The following HSD3B2 variants were observed in gnomAD, a reference collection of about 807,000 sequenced individuals.
The protein encoded by HSD3B2 is 3 beta-hydroxysteroid dehydrogenase/Delta 5-->4-isomerase type 2.
HSD3B2 carries 8 observed loss-of-function variants against 9.9 expected under a neutral mutation model. That is an observed-to-expected ratio of 0.81 (90% CI 0.47 to 1.46). The LOEUF (loss-of-function observed/expected upper bound fraction) is 1.46. Ranked by LOEUF, HSD3B2 falls within the 40% of genes most tolerant of loss-of-function variation. The probability of loss-of-function intolerance (pLI) is 0.00; values close to 1 mark genes in which losing one functional copy is unlikely to be tolerated. For synonymous variants in HSD3B2, 221 were observed against 184.5 expected (o/e 1.20, Z -1.60); for missense variants, 410 against 448.3 (o/e 0.91, Z 0.77).
At chr1:119,419,892 A>G (rs1297599565) in intron 3 of HSD3B2, 18 of 370,640 alleles carry the variant, frequency 4.9e-5, no homozygotes, top group East Asian at 6.2e-5. Context: ...TGTGGCCCCA[A>G]TCAAAAGTCA....
rs587688647 is a variant in HSD3B2 at position 119,415,186 on chromosome 1, T to C, written c.-106T>C. ...GACTTGGACTCCTCTGTCCAGCTTT[T>C]AACAATCTAAGTTACGGTTAGAGCT... On this transcript the variant is annotated 5_prime_UTR_variant, in exon 1 of 4. Transcript: ENST00000369416. The C allele has an allele frequency of 5.8e-4, 293 of 502,210 alleles. 1 individual carries two copies. Among genetic ancestry groups the C allele is most frequent in the South Asian group, 4.0e-3 (196 of 49,344 alleles). The allele number at this position is 502,210 out of a possible 1,614,324, so 31.1% of individuals were successfully genotyped here.
In HSD3B2 at chr1:119,422,435, C is replaced by A. The variant is rs1328608749; in HGVS notation, c.934C>A (p.Pro312Thr). 1.2e-6 allele frequency: 2 copies of A among 1,614,034 alleles called. No homozygotes were observed. Among genetic ancestry groups the A allele is most frequent in the African/African-American group, 1.3e-5 (1 of 74,934 alleles). The change falls in exon 4 of 4, where the codon CCC (proline) becomes ACC (threonine). Residue 312 changes from proline (P) to threonine (T), a missense_variant. Transcript: ENST00000369416. ...ACTCAGCCCAATTTACTCCTATCAA[C>A]CCCCCTTCAACCGCCACACAGTCAC... is the stretch of plus-strand genomic sequence containing the variant. The part of the protein sequence containing the change: ...FLLSPIYSYQ[P>T]PFNRHTVTLS...
intron 3 of HSD3B2, among the ~76,000 whole-genome samples, chr1:119,421,393 A>G (rs587636237): frequency 1.7e-4 from 20 of 119,638 alleles, no homozygotes; most frequent in Middle Eastern, 4.0e-3. Context: ...ATATATATGT[A>G]TATATATATG....
At chr1:119,421,438 TA>T (rs1269053857) in intron 3 of HSD3B2, among the ~76,000 whole-genome samples, 36 of 27,960 alleles carry the variant, frequency 1.3e-3, no homozygotes, top group African/African-American at 6.2e-3. Context: ...TATATATATA[TA>T]TGTATATATA....
In HSD3B2 at chr1:119,419,496, A is replaced by G; in HGVS notation, c.221A>G (p.Asp74Gly). The change falls in exon 3 of 4, where the codon GAC becomes GGC. Residue 74 changes from aspartate (D) to glycine (G), a missense_variant. Asp to Gly is a moderately conservative substitution (Grantham distance 94). Transcript: ENST00000369416. ...CCATTCCTGAAAAGAGCCTGCCAGG[A>G]CGTCTCGGTCGTCATCCACACCGCC... ...DEPFLKRACQDVSVVIHTACI... is the reference protein window; with the variant it reads ...DEPFLKRACQGVSVVIHTACI... 3 of 1,613,754 alleles carry G rather than the reference A, an allele frequency of 1.9e-6. No individual in the cohort carries two copies. In the South Asian group the frequency reaches 3.3e-5, roughly 18 times the overall value.
chr1:119,421,459 A>T (rs1557869544), intron 3 of HSD3B2, among the ~76,000 whole-genome samples: 10 of 9,176 alleles, frequency 1.1e-3, no homozygotes, highest in African/African-American at 4.5e-3. Context: ...ATATGTATAT[A>T]TATATGTATA....
chr1:119,419,634 A>G, intron 3 of HSD3B2, 52 bp downstream of exon 3: 1 of 1,552,120 alleles, frequency 6.4e-7, no homozygotes, highest in Non-Finnish European at 8.9e-7. Context: ...GAGGATCAGA[A>G]AGAAGGACAA....
At chr1:119,419,740 C>A in intron 3 of HSD3B2, 158 bp downstream of exon 3, 1 of 737,224 alleles carries the variant, frequency 1.4e-6, no homozygotes, top group Non-Finnish European at 2.3e-6. Context: ...AGGCTGGTAA[C>A]CTCAGTTTTT....
chr1:119,422,372 T>C lies in HSD3B2; in HGVS notation c.871T>C (p.Tyr291His). Residue 291 changes from tyrosine to histidine, a missense_variant, in exon 4 of 4, where the codon TAC (tyrosine) becomes CAC (histidine). Transcript: ENST00000369416. ...ATGGAGCCTTCCTTTAACCCTGATG[T>C]ACTGGATTGGCTTCCTGCTGGAAGT... ...SRWSLPLTLMYWIGFLLEVVS... is the reference protein window; with the variant it reads ...SRWSLPLTLMHWIGFLLEVVS... 1 of 1,614,164 alleles carries C rather than the reference T, an allele frequency of 6.2e-7. No homozygotes were observed. The highest frequency in any genetic ancestry group is 2.2e-5 in the East Asian group (1 of 44,856).
intron 2 of HSD3B2, among the ~76,000 whole-genome samples, chr1:119,419,018 T>C (rs370530234): frequency 2.6e-5 from 4 of 152,174 alleles, no homozygotes; most frequent in African/African-American, 9.7e-5. Context: ...CCCAAAATCA[T>C]AATTCTATAC....
rs1363184896 is a variant in HSD3B2, at chr1:119,415,425, C to T, written c.6C>T (p.Gly2=). The T allele has an allele frequency of 3.7e-6, 6 of 1,613,884 alleles. No individual in the cohort carries two copies. Among genetic ancestry groups the T allele is most frequent in the Non-Finnish European group, 5.1e-6 (6 of 1,179,884 alleles). The change falls in exon 2 of 4, where the codon GGC becomes GGT. Residue 2 remains glycine (G), a synonymous_variant. Coordinates refer to ENST00000369416, the MANE Select transcript of HSD3B2 (RefSeq NM_000198.4). ...GCTACTTTGGATTGGCCACGATGGG[C>T]TGGAGCTGCCTTGTGACAGGAGCAG... is the stretch of plus-strand genomic sequence containing the variant. M[G]WSCLVTGAGG...
At chr1:119,419,305 C>G in intron 2 of HSD3B2, 113 bp from the exon 3 acceptor site, 1 of 980,354 alleles carries the variant, frequency 1.0e-6, no homozygotes, top group Non-Finnish European at 1.6e-6. Flanking sequence ...ACACCCTCCA[C>G]TCTAATACCC....
At chr1:119,418,760 T>C (rs1472094940) in intron 2 of HSD3B2, among the ~76,000 whole-genome samples, 1 of 151,902 alleles carries the variant, frequency 6.6e-6, no homozygotes, top group Non-Finnish European at 1.5e-5. Context: ...CCATCCTTCC[T>C]CCTGCTTCAG....
Position 119,422,735 on chromosome 1 carries a change from C to G in HSD3B2, c.*115C>G. On this transcript the variant is annotated 3_prime_UTR_variant, in exon 4 of 4. Transcript: ENST00000369416. ...CACAAGCCCAGGTCCTGCTGCCTCT[C>G]TTTCACACAATGCCCAACTTACTGT... The G allele has an allele frequency of 2.4e-6, 3 of 1,226,046 alleles. No homozygotes were observed. The highest frequency in any genetic ancestry group is 3.5e-6 in the Non-Finnish European group (3 of 851,928). The allele number at this position is 1,226,046 out of a possible 1,614,324, so 75.9% of individuals were successfully genotyped here.
At chr1:119,421,402 T>A in intron 3 of HSD3B2, among the ~76,000 whole-genome samples, 1 of 80,560 alleles carries the variant, frequency 1.2e-5, no homozygotes. Flanking sequence ...TATATATATA[T>A]GTATATATAT....
chr1:119,415,768 C>T (rs771863331), intron 2 of HSD3B2, among the ~76,000 whole-genome samples: 5 of 152,156 alleles, frequency 3.3e-5, no homozygotes, highest in Non-Finnish European at 7.4e-5. Flanking sequence ...CTGGCCCTGA[C>T]GCAGAACTTG....
chr1:119,420,535 G>C (rs587593625), intron 3 of HSD3B2, among the ~76,000 whole-genome samples: 1 of 152,204 alleles, frequency 6.6e-6, no homozygotes, highest in Non-Finnish European at 1.5e-5. Context: ...ACTTTCCACA[G>C]CTCCCAAAAA....
chr1:119,416,470 A>C (rs1570817378), intron 2 of HSD3B2, among the ~76,000 whole-genome samples: 1 of 152,322 alleles, frequency 6.6e-6, no homozygotes, highest in East Asian at 1.9e-4. Flanking sequence ...AGAAACATAA[A>C]GTTACTTGCC....
chr1:119,415,475 T>C lies in HSD3B2; in HGVS notation c.56T>C (p.Val19Ala), dbSNP rs115344376. The change falls in exon 2 of 4, where the codon GTC becomes GCC. Residue 19 changes from valine to alanine, a missense_variant. Val to Ala is a moderately conservative substitution (Grantham distance 64). Transcript: ENST00000369416. ...GGAGGGCTTCTGGGTCAGAGGATCG[T>C]CCGCCTGTTGGTGGAAGAGAAGGAA... ...GAGGLLGQRI[V>A]RLLVEEKELK... is the part of the protein sequence containing the mutation. The C allele has an allele frequency of 3.1e-6, 5 of 1,613,912 alleles. No individual in the cohort carries two copies. The African/African-American group carries it at 6.7e-5, about 22-fold the overall frequency.
Sources: gnomAD v4.1 joint callset for allele counts (sites outside exome capture counted in the v4.1 genomes callset) on GRCh38, gnomAD v4.1.1 for gene constraint, MANE v1.5 for transcripts, NCBI Gene and HGNC (gene_info 2026-07-23, HGNC 2026-07-21) for gene names.